Variants in LTBP2 observed in about 807,000 individuals in gnomAD.
The protein encoded by LTBP2 is latent transforming growth factor beta binding protein 2.
In LTBP2, 103 loss-of-function variants were observed where a neutral mutation model predicts 210.6. The ratio of observed to expected loss-of-function variants is 0.49; its 90% CI spans 0.42 to 0.58. LTBP2 has a LOEUF of 0.58. LTBP2 is among the 20% of genes least tolerant of loss of function. The pLI is 0.00. For missense variants in LTBP2, 2,313 were observed against 2,494.5 expected, an observed-to-expected ratio of 0.93 and a Z score of 1.55; for synonymous variants, 1,007 against 1,015.0, an observed-to-expected ratio of 0.99 and a Z score of 0.15.
At chr14:74,566,661 C>T (rs1369680190) in intron 3 of LTBP2, among the ~76,000 whole-genome samples, 1 of 152,212 alleles carries the variant, frequency 6.6e-6, no homozygotes, top group African/African-American at 2.4e-5. Flanking sequence ...GGATTGGAAT[C>T]TGTACCTTCT....
chr14:74,563,334 G>A (rs2087820746), intron 3 of LTBP2, among the ~76,000 whole-genome samples: 1 of 152,126 alleles, frequency 6.6e-6, no homozygotes, highest in Non-Finnish European at 1.5e-5. Flanking sequence ...TGTCCAAAAT[G>A]ATACATGAAC....
Position 74,528,654 on chromosome 14 carries a change from C to A in LTBP2, c.2197G>T (p.Ala733Ser). ...ICPAGHGYTY[A>S]SSDIRLSMRK... ...ATGGACAGGCGGATGTCGGAGCTCGCGTAGGTGTAGCCGTGGCCGGCAGGG... is the reference window on the plus strand; with the variant it reads ...ATGGACAGGCGGATGTCGGAGCTCGAGTAGGTGTAGCCGTGGCCGGCAGGG... Residue 733 changes from alanine (A) to serine (S), a missense_variant, in exon 12 of 36, where the codon GCG becomes TCG. Physicochemically the swap from Ala to Ser is moderately conservative, Grantham distance 99. Transcript: ENST00000261978. 6.2e-7 allele frequency: 1 copy of A among 1,613,214 alleles called. No individual in the cohort carries two copies. The highest frequency in any genetic ancestry group is 8.5e-7 in the Non-Finnish European group (1 of 1,180,048).
intron 2 of LTBP2, among the ~76,000 whole-genome samples, chr14:74,601,235 G>A (rs568710602): frequency 9.9e-4 from 151 of 152,234 alleles, no homozygotes; most frequent in Non-Finnish European, 1.4e-3. Context: ...GCCTCTCTGA[G>A]GCTCACTTTC....
intron 3 of LTBP2, among the ~76,000 whole-genome samples, chr14:74,581,672 A>G (rs2088138619): frequency 1.3e-5 from 2 of 152,204 alleles, no homozygotes; most frequent in Non-Finnish European, 2.9e-5. Flanking sequence ...GAGCCCCCCT[A>G]GAGCCCCAGG....
intron 17 of LTBP2, among the ~76,000 whole-genome samples, chr14:74,518,969 A>G (rs2087168244): frequency 6.6e-6 from 1 of 152,246 alleles, no homozygotes; most frequent in Non-Finnish European, 1.5e-5. Context: ...ACTGTCTGAT[A>G]GATGGTGCTG....
intron 3 of LTBP2, among the ~76,000 whole-genome samples, chr14:74,570,464 C>T (rs1437163413): frequency 1.3e-5 from 2 of 152,202 alleles, no homozygotes; most frequent in African/African-American, 4.8e-5. Context: ...GCCAAAGTCC[C>T]AGCCTGCCCT....
intron 1 of LTBP2, among the ~76,000 whole-genome samples, chr14:74,607,952 C>A (rs1287087468): frequency 8.2e-5 from 12 of 147,154 alleles, no homozygotes; most frequent in African/African-American, 3.0e-4. Flanking sequence ...CTCGCTCTGT[C>A]GCCCAGGCCG....
intron 4 of LTBP2, among the ~76,000 whole-genome samples, chr14:74,553,439 C>T (rs1279766717): frequency 6.6e-6 from 1 of 152,098 alleles, no homozygotes; most frequent in Non-Finnish European, 1.5e-5. Flanking sequence ...GCTCAAGTGA[C>T]GCAGCTAGCA....
chr14:74,586,946 A>G lies in LTBP2; in HGVS notation c.566-828T>C, dbSNP rs2088214063. On this transcript the variant is annotated intron_variant, in intron 2 of 35. Transcript: ENST00000261978. This position sits in a 1 kb window ranked among gnomAD's most constrained non-coding sequence, Gnocchi z 4.6. ...ATTCTGCCTCCTGGGCTGTGGGTCC[A>G]GCCGGAGGCAAGGTGGAGCTGAAAC... Among the ~76,000 whole-genome samples, 1 of 152,186 alleles carries G rather than the reference A, an allele frequency of 6.6e-6. No individual in the cohort carries two copies. The highest frequency in any genetic ancestry group is 2.1e-4 in the South Asian group (1 of 4,830).
In LTBP2 at chr14:74,499,002, A is replaced by G. The variant is rs568215347; in HGVS notation, c.*1882T>C. The stretch of plus-strand genomic sequence containing the variant: ...TCTGGTGAAAATATATCTGAAGGTT[A>G]AGTTCCTAGAAGTGGAAACTACTGG... On this transcript the variant is annotated 3_prime_UTR_variant, in exon 36 of 36. Transcript: ENST00000261978. 34 of 220,360 alleles carry G rather than the reference A, an allele frequency of 1.5e-4. No individual in the cohort carries two copies. In the Middle Eastern group the frequency reaches 5.6e-3, roughly 37 times the overall value. The allele number at this position is 220,360 out of a possible 1,614,324, so 13.7% of individuals were successfully genotyped here. A position where few individuals can be genotyped will look rare whatever the true frequency, so the allele number is the denominator to read the frequency against.
At chr14:74,587,240 G>A (rs1474396715) in intron 2 of LTBP2, among the ~76,000 whole-genome samples, 1 of 152,052 alleles carries the variant, frequency 6.6e-6, no homozygotes, top group Non-Finnish European at 1.5e-5. Flanking sequence ...TCCATCTGTC[G>A]CTCATTCATT....
At chr14:74,576,530 T>G (rs966001867) in intron 3 of LTBP2, among the ~76,000 whole-genome samples, 3 of 151,974 alleles carry the variant, frequency 2.0e-5, no homozygotes, top group Non-Finnish European at 4.4e-5. Flanking sequence ...GACTCTCAAG[T>G]TGAGGTTTGA....
At chr14:74,566,081 T>A (rs8008423) in intron 3 of LTBP2, among the ~76,000 whole-genome samples, 4,237 of 152,090 alleles carry the variant, frequency 0.028, 198 homozygotes, top group African/African-American at 0.094. Context: ...TTTTTTTTTT[T>A]AATTTTTTTT....
chr14:74,564,359 A>T (rs866521266), intron 3 of LTBP2, among the ~76,000 whole-genome samples: 354 of 16,734 alleles, frequency 0.021, 57 homozygotes, highest in Non-Finnish European at 0.025. Flanking sequence ...ATATATTTAT[A>T]TATATATTTA....
In LTBP2 at chr14:74,507,222, G is replaced by T. The variant is rs1315324726; in HGVS notation, c.3864C>A (p.Gly1288=). Reference sequence around the variant, plus strand: ...GGGCCATGTGGAAGCCAGGCTGGCAGCCCAGAACACAGCGGTAGGAGCCAG... The same window carrying T: ...GGGCCATGTGGAAGCCAGGCTGGCATCCCAGAACACAGCGGTAGGAGCCAG... ...NSPGSYRCVL[G]CQPGFHMAPN... Residue 1288 remains glycine (G), a synonymous_variant, in exon 26 of 36, where the codon GGC becomes GGA. Coordinates refer to ENST00000261978, the MANE Select transcript of LTBP2 (RefSeq NM_000428.3). 6.2e-7 allele frequency: 1 copy of T among 1,614,066 alleles called. No homozygotes were observed. Among genetic ancestry groups the T allele is most frequent in the African/African-American group, 1.3e-5 (1 of 74,912 alleles).
intron 34 of LTBP2, among the ~76,000 whole-genome samples, chr14:74,502,239 G>T (rs748036182): frequency 3.9e-5 from 6 of 152,306 alleles, no homozygotes; most frequent in Middle Eastern, 3.4e-3. Flanking sequence ...AGTCATCACG[G>T]TGGGCCTTTA....
intron 2 of LTBP2, among the ~76,000 whole-genome samples, chr14:74,594,165 G>A (rs1205103429): frequency 3.9e-5 from 6 of 152,120 alleles, no homozygotes; most frequent in African/African-American, 1.4e-4. Flanking sequence ...GGTGCTGGGT[G>A]GGGACTGCTT....
At chr14:74,543,367 G>A in intron 8 of LTBP2, among the ~76,000 whole-genome samples, 1 of 103,656 alleles carries the variant, frequency 9.6e-6, no homozygotes, top group Admixed American at 1.4e-4. Flanking sequence ...GACAGAGCGA[G>A]ACTCCGTCTC....
intron 19 of LTBP2, among the ~76,000 whole-genome samples, 179 bp from the exon 20 acceptor site, chr14:74,510,392 C>G (rs1386511592): frequency 6.6e-6 from 1 of 152,200 alleles, no homozygotes; most frequent in African/African-American, 2.4e-5. Flanking sequence ...GCAGGGCGTC[C>G]CATCCCCCGG....
Sources: allele counts gnomAD v4.1 joint callset (sites outside exome capture counted in the v4.1 genomes callset), GRCh38; gene constraint gnomAD v4.1.1; non-coding constraint Gnocchi (gnomAD v3.1); transcripts MANE v1.5; gene names NCBI Gene and HGNC (gene_info 2026-07-23, HGNC 2026-07-21).